AKAP6: variants seen among roughly 807,000 people sequenced by gnomAD.
AKAP6 encodes A-kinase anchor protein 6.
In AKAP6, 58 loss-of-function variants were observed where a neutral mutation model predicts 188.5. That is an observed-to-expected ratio of 0.31 (90% CI 0.25 to 0.38). The LOEUF (loss-of-function observed/expected upper bound fraction) is 0.38. AKAP6 is among the 10% of genes least tolerant of loss of function. AKAP6 has a pLI of 1.00. For missense variants in AKAP6, 2,710 were observed against 2,740.0 expected (o/e 0.99, Z 0.24); for synonymous variants, 989 against 998.6 (o/e 0.99, Z 0.18).
intron 7 of AKAP6, among the ~76,000 whole-genome samples, chr14:32,622,076 A>C (rs781410116): frequency 3.3e-5 from 5 of 152,116 alleles, no homozygotes; most frequent in Non-Finnish European, 7.4e-5. Context: ...TGTACCTGAA[A>C]ATTTCATTAA....
chr14:32,567,498 G>A lies in AKAP6; in HGVS notation c.2347-9622G>A, dbSNP rs575199183. On this transcript the variant is annotated intron_variant, in intron 4 of 13. Transcript: ENST00000280979. ...AGTTGGCCGTAGCATTTTCTTGCTC[G>A]TTCAGTATGATAAACTCTTCACATG... 1.3e-4 allele frequency among the ~76,000 whole-genome samples: 20 copies of A among 152,066 alleles called. 1 individual carries two copies. In the East Asian group the frequency reaches 1.9e-3, roughly 15 times the overall value.
chr14:32,701,262 T>C (rs542260910), intron 9 of AKAP6, among the ~76,000 whole-genome samples: 2 of 152,294 alleles, frequency 1.3e-5, no homozygotes, highest in African/African-American at 4.8e-5. Flanking sequence ...AGAAGTTGCA[T>C]CTGTAAGAAG....
intron 11 of AKAP6, among the ~76,000 whole-genome samples, chr14:32,741,419 G>A (rs540078366): frequency 6.6e-6 from 1 of 152,084 alleles, no homozygotes; most frequent in African/African-American, 2.4e-5. Flanking sequence ...AGTGAAAGTG[G>A]ACATTCTTGC....
chr14:32,721,502 AAGACTTGAAAGTT>A (rs2030534624), intron 9 of AKAP6, among the ~76,000 whole-genome samples: 1 of 152,206 alleles, frequency 6.6e-6, no homozygotes, highest in African/African-American at 2.4e-5. Context: ...ATCAGATAAA[AAGACTTGAAAGTT>A]TCATTCTGTA....
intron 12 of AKAP6, among the ~76,000 whole-genome samples, chr14:32,782,103 T>C (rs578179447): frequency 3.3e-4 from 48 of 144,146 alleles, no homozygotes; most frequent in African/African-American, 1.1e-3. Flanking sequence ...TGGTGGAGGT[T>C]GCAGTGAGCC....
intron 7 of AKAP6, among the ~76,000 whole-genome samples, chr14:32,616,367 T>G (rs530751349): frequency 6.6e-6 from 1 of 152,262 alleles, no homozygotes; most frequent in South Asian, 2.1e-4. Context: ...GCCCATCAAT[T>G]GTAGACTGGA....
At chr14:32,735,127 T>C (rs1771739901) in intron 10 of AKAP6, among the ~76,000 whole-genome samples, 5 of 152,178 alleles carry the variant, frequency 3.3e-5, no homozygotes, top group Admixed American at 3.3e-4. Flanking sequence ...GGCTTCCTTT[T>C]CTTAAAACCC....
intron 12 of AKAP6, among the ~76,000 whole-genome samples, chr14:32,789,567 C>A (rs776393505): frequency 6.6e-6 from 1 of 152,140 alleles, no homozygotes; most frequent in Non-Finnish European, 1.5e-5. Flanking sequence ...CTGGTGAAAC[C>A]TCCAGTTACA....
intron 1 of AKAP6, among the ~76,000 whole-genome samples, chr14:32,411,769 T>C (rs536483847): frequency 6.6e-6 from 1 of 150,802 alleles, no homozygotes; most frequent in Admixed American, 6.6e-5. Context: ...TCCAAAATCC[T>C]CTTGTTGTTA....
intron 7 of AKAP6, among the ~76,000 whole-genome samples, chr14:32,613,539 A>T (rs1191705801): frequency 6.6e-6 from 1 of 152,134 alleles, no homozygotes; most frequent in Non-Finnish European, 1.5e-5. Context: ...CTCATCCCCA[A>T]AGCTTTCATT....
chr14:32,769,943 A>G (rs2032847956), intron 11 of AKAP6, among the ~76,000 whole-genome samples: 1 of 152,230 alleles, frequency 6.6e-6, no homozygotes, highest in Admixed American at 6.5e-5. Flanking sequence ...GCATATATGC[A>G]CATATTTGAT....
At chr14:32,798,525 T>C (rs1163085844) in intron 12 of AKAP6, among the ~76,000 whole-genome samples, 3 of 152,136 alleles carry the variant, frequency 2.0e-5, no homozygotes, top group Non-Finnish European at 4.4e-5. Flanking sequence ...ATATATACCA[T>C]GGAATACTAT....
chr14:32,461,991 A>G (rs1158253805), intron 2 of AKAP6, among the ~76,000 whole-genome samples: 1 of 151,938 alleles, frequency 6.6e-6, no homozygotes, highest in African/African-American at 2.4e-5. Context: ...GAGATTGAAG[A>G]TCAACTTACT....
intron 7 of AKAP6, among the ~76,000 whole-genome samples, chr14:32,650,792 GCAT>G (rs1888190335): frequency 6.6e-6 from 1 of 152,028 alleles, no homozygotes; most frequent in Non-Finnish European, 1.5e-5. Flanking sequence ...CCTAGACTAT[GCAT>G]AGATTTTTAA....
chr14:32,559,563 A>G (rs1883840927), intron 4 of AKAP6, among the ~76,000 whole-genome samples: 1 of 152,164 alleles, frequency 6.6e-6, no homozygotes, highest in Non-Finnish European at 1.5e-5. Context: ...TTGGTAGTTT[A>G]AGAAGGTTAA....
intron 2 of AKAP6, among the ~76,000 whole-genome samples, chr14:32,520,259 T>C (rs1296676831): frequency 6.6e-6 from 1 of 152,142 alleles, no homozygotes; most frequent in Non-Finnish European, 1.5e-5. Context: ...GATCTAAAAT[T>C]GATACCCTAA....
intron 11 of AKAP6, among the ~76,000 whole-genome samples, chr14:32,737,316 T>G (rs982641129): frequency 4.6e-5 from 7 of 152,178 alleles, no homozygotes; most frequent in Non-Finnish European, 2.9e-5. Context: ...CTAGCCAGAA[T>G]TTTAAATAAT....
rs568213050 is a variant in AKAP6, at chr14:32,673,422, G to A, written c.2731-4889G>A. ...GTTCTTGAGATATGAGAAAGTCTCA[G>A]TAAACATATGAGTAATAAATGGATG... On this transcript the variant is annotated intron_variant, in intron 7 of 13. Coordinates refer to ENST00000280979, the MANE Select transcript of AKAP6 (RefSeq NM_004274.5). 2.0e-5 allele frequency among the ~76,000 whole-genome samples: 3 copies of A among 152,288 alleles called. No homozygotes were observed. In the South Asian group the frequency reaches 6.2e-4, roughly 32 times the overall value.
intron 1 of AKAP6, among the ~76,000 whole-genome samples, chr14:32,421,012 G>A (rs1215955219): frequency 3.3e-5 from 5 of 151,224 alleles, no homozygotes; most frequent in African/African-American, 9.7e-5. Flanking sequence ...TGAAATTCTA[G>A]GTTAGAATTA....
Sources: allele counts gnomAD v4.1 joint callset (sites outside exome capture counted in the v4.1 genomes callset), GRCh38; gene constraint gnomAD v4.1.1; transcripts MANE v1.5; gene names NCBI Gene and HGNC (gene_info 2026-07-23, HGNC 2026-07-21).